The following TRIP4 variants were observed in gnomAD, a reference collection of about 807,000 sequenced individuals.
TRIP4 encodes the protein thyroid hormone receptor interactor 4, also known as activating signal cointegrator 1.
In TRIP4, 54 loss-of-function variants were observed where a neutral mutation model predicts 81.8. The ratio of observed to expected loss-of-function variants is 0.66; its 90% CI spans 0.53 to 0.83. The LOEUF is 0.83. Among genes scored for constraint, TRIP4 ranks in the 40% least tolerant of loss-of-function variants. The pLI is 0.00. For missense variants in TRIP4, 662 were observed against 683.6 expected, an observed-to-expected ratio of 0.97 and a Z score of 0.35; for synonymous variants, 270 against 242.8, an observed-to-expected ratio of 1.11 and a Z score of -1.04.
In TRIP4 at chr15:64,393,734, C is replaced by T. The variant is rs116183382; in HGVS notation, c.102-212C>T. ...CACTAGTAATCGTTTTGGTGTATAA[C>T]GTTGTTTTTTTCCTACACATAAGTG... is the stretch of plus-strand genomic sequence containing the variant. On this transcript the variant is annotated intron_variant, in intron 1 of 12. Transcript: ENST00000261884. The T allele has an allele frequency of 4.7e-3, 1,649 of 353,196 alleles. 25 individuals are homozygous for T. Among genetic ancestry groups the T allele is most frequent in the African/African-American group, 0.032 (1,529 of 47,620 alleles). 21.9% of individuals were successfully genotyped at this position (353,196 alleles called of 1,614,324 possible). A position where few individuals can be genotyped will look rare whatever the true frequency, so the allele number is the denominator to read the frequency against.
intron 7 of TRIP4, among the ~76,000 whole-genome samples, chr15:64,413,597 T>A (rs971388277): frequency 5.9e-5 from 9 of 152,062 alleles, no homozygotes; most frequent in African/African-American, 2.2e-4. Flanking sequence ...TTTTTATTTT[T>A]TTTTATTTTT....
intron 5 of TRIP4, 131 bp from the exon 6 acceptor site, chr15:64,406,199 T>G: frequency 9.2e-7 from 1 of 1,092,212 alleles, no homozygotes; most frequent in Non-Finnish European, 1.3e-6. Flanking sequence ...GTACTTGTTT[T>G]CTGTTGAAAT....
chr15:64,413,603 T>A (rs28705055), intron 7 of TRIP4, among the ~76,000 whole-genome samples: 149,321 of 151,880 alleles, frequency 0.98, 73,445 homozygotes, highest in East Asian at 1. Context: ...TTTTTTTTTA[T>A]TTTTTTGAGA....
chr15:64,414,323 C>T (rs1891839963), intron 8 of TRIP4, 112 bp downstream of exon 8: 3 of 1,389,732 alleles, frequency 2.2e-6, no homozygotes, highest in Non-Finnish European at 2.9e-6. Flanking sequence ...CTCAATACAC[C>T]TGTACCAATC....
chr15:64,453,472 G>C (rs1418974930), intron 12 of TRIP4, among the ~76,000 whole-genome samples: 1 of 152,218 alleles, frequency 6.6e-6, no homozygotes, highest in East Asian at 1.9e-4. Context: ...GGTAGTGTTA[G>C]GGATACAAAG....
chr15:64,418,480 G>T, intron 8 of TRIP4, 61 bp from the exon 9 acceptor site: 1 of 1,470,036 alleles, frequency 6.8e-7, no homozygotes, highest in South Asian at 1.4e-5. Flanking sequence ...GCATCATTTT[G>T]TCTACCTACC....
At chr15:64,417,713 A>G (rs1891918911) in intron 8 of TRIP4, among the ~76,000 whole-genome samples, 1 of 152,144 alleles carries the variant, frequency 6.6e-6, no homozygotes. Context: ...TCTTCATTTC[A>G]GGGTAAGAGA....
chr15:64,422,206 C>G (rs1892034608), intron 9 of TRIP4, among the ~76,000 whole-genome samples: 1 of 152,112 alleles, frequency 6.6e-6, no homozygotes, highest in African/African-American at 2.4e-5. Flanking sequence ...TAGTCTTTGA[C>G]AAATGAGGAT....
chr15:64,409,096 A>G (rs1329158988), intron 6 of TRIP4, among the ~76,000 whole-genome samples: 2 of 151,972 alleles, frequency 1.3e-5, no homozygotes, highest in African/African-American at 4.8e-5. Flanking sequence ...CTATAATCCC[A>G]GCTACTCAGG....
chr15:64,441,641 C>T (rs1040761729), intron 11 of TRIP4, among the ~76,000 whole-genome samples: 1 of 151,982 alleles, frequency 6.6e-6, no homozygotes, highest in Non-Finnish European at 1.5e-5. Context: ...GGCATAGTGC[C>T]GGGCACTTGT....
intron 11 of TRIP4, among the ~76,000 whole-genome samples, chr15:64,441,296 A>T (rs969418806): frequency 1.3e-5 from 2 of 151,182 alleles, no homozygotes; most frequent in African/African-American, 2.4e-5. Flanking sequence ...GCGCCCGGCC[A>T]ATTCATTGCG....
At chr15:64,392,230 G>GCTGAAGCT (rs1900156629) in intron 1 of TRIP4, among the ~76,000 whole-genome samples, 1 of 149,328 alleles carries the variant, frequency 6.7e-6, no homozygotes, top group African/African-American at 2.5e-5. Flanking sequence ...CCTGGGAGAT[G>GCTGAAGCT]GAGTTTGCAG....
chr15:64,398,620 C>T lies in TRIP4; in HGVS notation c.618+802C>T, dbSNP rs566712207. Among the ~76,000 whole-genome samples the T allele has an allele frequency of 2.0e-5, 3 of 151,892 alleles. No individual in the cohort carries two copies. In the South Asian group the frequency reaches 6.3e-4, roughly 32 times the overall value. On this transcript the variant is annotated intron_variant, in intron 4 of 12. Transcript: ENST00000261884. Reference sequence around the variant, plus strand: ...CCAGGTTATATCCTAGTACTGAGGCCATTAATGAGAAGGGTTTGAGAACAT... The same window carrying T: ...CCAGGTTATATCCTAGTACTGAGGCTATTAATGAGAAGGGTTTGAGAACAT...
At chr15:64,432,117 CCTCGTGAT>C (rs1006160417) in intron 11 of TRIP4, among the ~76,000 whole-genome samples, 41 of 151,070 alleles carry the variant, frequency 2.7e-4, no homozygotes, top group Non-Finnish European at 1.8e-4. Flanking sequence ...GAACTCTTGA[CCTCGTGAT>C]CCGCCTGCCT....
In TRIP4 at chr15:64,455,052, T is replaced by A. The variant is rs1892854865; in HGVS notation, c.1734T>A (p.Asn578Lys). Reference protein sequence around the residue: ...QGAKKGLMKQNKAV With the variant: ...QGAKKGLMKQKKAV ...CAAAGAAGGGGTTAATGAAGCAGAATAAAGCTGTCTGACCCAGGAGAAAAG... is the reference window on the plus strand; with the variant it reads ...CAAAGAAGGGGTTAATGAAGCAGAAAAAAGCTGTCTGACCCAGGAGAAAAG... Residue 578 changes from asparagine to lysine, a missense_variant, in exon 13 of 13, where the codon AAT (asparagine) becomes AAA (lysine). By Grantham distance (94) the Asn-to-Lys change is moderately conservative (BLOSUM62 0). Coordinates refer to ENST00000261884, the MANE Select transcript of TRIP4 (RefSeq NM_016213.5). 1.2e-6 allele frequency: 2 copies of A among 1,613,930 alleles called. No individual in the cohort carries two copies. The highest frequency in any genetic ancestry group is 1.7e-6 in the Non-Finnish European group (2 of 1,179,966).
At position 64,418,623 on chromosome 15, in the gene TRIP4, A is replaced by G. The variant is rs1219984960; in HGVS notation, c.1253A>G (p.His418Arg). ...GGACTAGAGTTCAACTCATTTCAGC[A>G]CCAGTTGCGAATCCAGGATCAAGAA... ...GFGLEFNSFQ[H>R]QLRIQDQEFQ... Residue 418 changes from histidine (H) to arginine (R), a missense_variant, in exon 9 of 13, where the codon CAC becomes CGC. His to Arg is a conservative substitution (Grantham distance 29). Transcript: ENST00000261884. 1 of 1,613,770 alleles carries G rather than the reference A, an allele frequency of 6.2e-7. No individual in the cohort carries two copies. Among genetic ancestry groups the G allele is most frequent in the Non-Finnish European group, 8.5e-7 (1 of 1,180,030 alleles).
chr15:64,397,949 G>A, intron 4 of TRIP4, 131 bp downstream of exon 4: 1 of 961,806 alleles, frequency 1.0e-6, no homozygotes, highest in Non-Finnish European at 1.5e-6. Context: ...CGCCCAGGCT[G>A]GAGTGCAGTG....
chr15:64,393,966 G>A lies in TRIP4; in HGVS notation c.122G>A (p.Ser41Asn). 1 of 1,601,172 alleles carries A rather than the reference G, an allele frequency of 6.2e-7. No individual in the cohort carries two copies. Among genetic ancestry groups the A allele is most frequent in the Non-Finnish European group, 8.5e-7 (1 of 1,174,972 alleles). Residue 41 changes from serine (S) to asparagine (N), a missense_variant, in exon 2 of 13, where the codon AGT becomes AAT. Transcript: ENST00000261884. The stretch of plus-strand genomic sequence containing the variant: ...CTGAGGTACGTTTTGTCAATTGAGA[G>A]TGCTGAAGAGATACGAGAATATGTT... ...EIIQYVLSIE[S>N]AEEIREYVTD...
intron 1 of TRIP4, among the ~76,000 whole-genome samples, chr15:64,389,572 G>A (rs1445362641): frequency 2.6e-5 from 4 of 152,126 alleles, no homozygotes; most frequent in Non-Finnish European, 5.9e-5. Flanking sequence ...ACCCTTGCTT[G>A]AACGCAGTCA....
Sources: gnomAD v4.1 joint callset for allele counts (sites outside exome capture counted in the v4.1 genomes callset) on GRCh38, gnomAD v4.1.1 for gene constraint, MANE v1.5 for transcripts, NCBI Gene and HGNC (gene_info 2026-07-23, HGNC 2026-07-21) for gene names.